Variants in NCOR2 observed in about 807,000 individuals in gnomAD.
NCOR2 encodes nuclear receptor corepressor 2.
A neutral mutation model predicts 262.9 loss-of-function variants in NCOR2; 81 were observed. The observed-to-expected ratio is 0.31, with a 90% CI of 0.26 to 0.37. The LOEUF (loss-of-function observed/expected upper bound fraction) is 0.37, where lower values mean the gene tolerates loss of function less well. Among genes scored for constraint, NCOR2 ranks in the 10% least tolerant of loss-of-function variants. NCOR2 has a pLI of 1.00. For missense variants in NCOR2, 3,385 were observed against 3,621.4 expected, an observed-to-expected ratio of 0.93 and a Z score of 1.68; for synonymous variants, 1,659 against 1,559.3, an observed-to-expected ratio of 1.06 and a Z score of -1.51.
At chr12:124,335,339 A>G in intron 39 of NCOR2, 59 bp from the exon 42 acceptor site, 1 of 1,509,574 alleles carries the variant, frequency 6.6e-7, no homozygotes, top group Non-Finnish European at 8.8e-7. Context: ...TGCTGGGCCC[A>G]AATCCCAGCC....
At chr12:124,558,984 G>A (rs571941847) in intron 1 of NCOR2, among the ~76,000 whole-genome samples, 4 of 152,252 alleles carry the variant, frequency 2.6e-5, no homozygotes, top group African/African-American at 7.2e-5. Flanking sequence ...TATAGGCCAC[G>A]GAAAACCAAG....
In NCOR2 at chr12:124,457,636, TAC is replaced by T. The variant is rs2045951676; in HGVS notation, c.706-476_706-475del. On this transcript the variant is annotated intron_variant, in intron 5 of 46. Transcript: ENST00000405201. The surrounding 1 kb of genome is among the most constrained non-coding windows in gnomAD (Gnocchi z 4.0). ...AGGGTGAGATAGAGGCGCTCGGAGA[TAC>T]CCTTTCTAGGATTCTTGTGTTTCAC... Among the ~76,000 whole-genome samples the T allele has an allele frequency of 6.6e-6, 1 of 151,856 alleles. No homozygotes were observed. The highest frequency in any genetic ancestry group is 6.6e-5 in the Admixed American group (1 of 15,266).
At chr12:124,496,729 TC>T (rs2048400801), upstream of NCOR2, among the ~76,000 whole-genome samples, 1 of 145,412 alleles carries the variant, frequency 6.9e-6, no homozygotes, top group Non-Finnish European at 1.5e-5. The surrounding 1 kb of genome is among the most constrained non-coding windows in gnomAD (Gnocchi z 4.4). Context: ...GACTTGACCC[TC>T]CCTCCCTCCC....
intron 18 of NCOR2, among the ~76,000 whole-genome samples, chr12:124,376,925 C>G (rs1037307938): frequency 5.3e-5 from 8 of 152,290 alleles, no homozygotes; most frequent in Middle Eastern, 3.4e-3. Flanking sequence ...AAAGGAGAGT[C>G]AGGGACACTC....
intron 1 of NCOR2, among the ~76,000 whole-genome samples, chr12:124,564,945 C>T (rs1045780909): frequency 1.4e-5 from 2 of 146,270 alleles, no homozygotes; most frequent in Non-Finnish European, 3.0e-5. Flanking sequence ...ACAATCAAGC[C>T]GTCCCCAGCC....
At chr12:124,496,111 C>T (rs905973925), upstream of NCOR2, among the ~76,000 whole-genome samples, 1 of 152,046 alleles carries the variant, frequency 6.6e-6, no homozygotes, top group African/African-American at 2.4e-5. The surrounding 1 kb of genome is among the most constrained non-coding windows in gnomAD (Gnocchi z 4.4). Context: ...AGGAATAACA[C>T]GAAGCGGGCT....
At chr12:124,332,255 G>A (rs756427644) in intron 43 of NCOR2, 64 bp downstream of exon 45, 2 of 1,593,582 alleles carry the variant, frequency 1.3e-6, no homozygotes, top group Non-Finnish European at 1.7e-6. Flanking sequence ...GGCTCCAGCT[G>A]CCCAGGCAGG....
intron 6 of NCOR2, among the ~76,000 whole-genome samples, chr12:124,456,786 A>G (rs2045887776): frequency 6.6e-6 from 1 of 152,188 alleles, no homozygotes; most frequent in Non-Finnish European, 1.5e-5. Context: ...AGCTGGAGCA[A>G]GCGCACCGGC....
At chr12:124,402,460 C>T in exon 14 of NCOR2, 1 of 1,613,582 alleles carries the variant, frequency 6.2e-7, no homozygotes, top group Non-Finnish European at 8.5e-7. Context: ...CCTTCTCCGC[C>T]TCCTTTTCCT....
In NCOR2 at chr12:124,532,901, C is replaced by T. The variant is rs867043530; in HGVS notation, c.-118+2664G>A. Among the ~76,000 whole-genome samples, 6 of 141,896 alleles carry T rather than the reference C, an allele frequency of 4.2e-5. No individual in the cohort carries two copies. The South Asian group carries it at 1.0e-3, about 25-fold the overall frequency. The allele number at this position is 141,896 out of a possible 152,430, so 93.1% of individuals were successfully genotyped here. A position where few individuals can be genotyped will look rare whatever the true frequency, so the allele number is the denominator to read the frequency against. On this transcript the variant is annotated intron_variant, in intron 1 of 46. Coordinates refer to the NCOR2 transcript ENST00000404621. ...CCACCTCCAAATCCCACTCCTCTTT[C>T]CCCCCTCCCTCCAAGTCCCACTCCT...
At chr12:124,493,116 G>T (rs2048183650) in intron 1 of NCOR2, among the ~76,000 whole-genome samples, 1 of 152,246 alleles carries the variant, frequency 6.6e-6, no homozygotes, top group South Asian at 2.1e-4. Context: ...GTCACTGACG[G>T]CCCAGCAGGA....
chr12:124,552,782 G>C lies in NCOR2; in HGVS notation c.-165+14526C>G, dbSNP rs1420959767. 2.0e-5 allele frequency among the ~76,000 whole-genome samples: 3 copies of C among 152,168 alleles called. No individual in the cohort carries two copies. In the East Asian group the frequency reaches 5.8e-4, roughly 29 times the overall value. ...CAGCTCACTGCAGCCTCCAACTCCA[G>C]AGCTCAAGTGACCCTCCCATCTCAG... On this transcript the variant is annotated intron_variant, in intron 1 of 32. Transcript: ENST00000458234.
chr12:124,362,312 C>G lies in NCOR2; in HGVS notation c.2929-15G>C. The G allele has an allele frequency of 7.5e-7, 1 of 1,331,762 alleles. No individual in the cohort carries two copies. Among genetic ancestry groups the G allele is most frequent in the Non-Finnish European group, 9.6e-7 (1 of 1,041,348 alleles). 82.5% of individuals were successfully genotyped at this position (1,331,762 alleles called of 1,614,324 possible). ...TTGGTGACCTGCTGAGGGAAGCAGG[C>G]AGAAGTGAGCATTCACAGAGGGTGT... On this transcript the variant is annotated splice_polypyrimidine_tract_variant and intron_variant, in intron 21 of 46. Transcript: ENST00000405201.
At chr12:124,485,858 A>C (rs2047741951) in intron 2 of NCOR2, among the ~76,000 whole-genome samples, 1 of 152,164 alleles carries the variant, frequency 6.6e-6, no homozygotes, top group African/African-American at 2.4e-5. Flanking sequence ...AGATGGGAGA[A>C]AGAACGTGGC....
At chr12:124,343,368 G>GCTCA in intron 32 of NCOR2, 142 bp from the exon 35 acceptor site, 1 of 638,988 alleles carries the variant, frequency 1.6e-6, no homozygotes, top group Non-Finnish European at 2.6e-6. Flanking sequence ...TTCACTTTTT[G>GCTCA]CTCACTGACT....
In NCOR2 at chr12:124,529,198, A is replaced by AC. The variant is rs1170823591; in HGVS notation, c.-118+6366_-118+6367insG. ...CCGACTCAAAAAAAAAAAAAAAAAA[A>AC]AAAACACTCACTAATCCTAGCACTT... On this transcript the variant is annotated intron_variant, in intron 1 of 46. Coordinates refer to the NCOR2 transcript ENST00000404621. 2.6e-3 allele frequency among the ~76,000 whole-genome samples: 375 copies of AC among 146,486 alleles called. 6 individuals carry two copies. The highest frequency in any genetic ancestry group is 9.3e-3 in the African/African-American group (353 of 37,964).
intron 1 of NCOR2, among the ~76,000 whole-genome samples, chr12:124,550,499 G>A (rs537317803): frequency 1.3e-5 from 2 of 152,290 alleles, no homozygotes; most frequent in African/African-American, 2.4e-5. Context: ...ACTGGCAGGG[G>A]GAGGATGGTG....
chr12:124,424,637 T>C (rs1268714311), intron 11 of NCOR2, among the ~76,000 whole-genome samples: 1 of 152,192 alleles, frequency 6.6e-6, no homozygotes. Flanking sequence ...TATCTGCACT[T>C]GCGGGTCCAC....
At chr12:124,554,301 C>A (rs1292145765) in intron 1 of NCOR2, among the ~76,000 whole-genome samples, 1 of 152,166 alleles carries the variant, frequency 6.6e-6, no homozygotes, top group Non-Finnish European at 1.5e-5. Context: ...GATGGGTGTC[C>A]AAGGCTCCGT....
Sources: allele counts gnomAD v4.1 joint callset (sites outside exome capture counted in the v4.1 genomes callset), GRCh38; gene constraint gnomAD v4.1.1; non-coding constraint Gnocchi (gnomAD v3.1); transcripts MANE v1.5; gene names NCBI Gene and HGNC (gene_info 2026-07-23, HGNC 2026-07-21).